Variants in PEX5L observed in about 807,000 individuals in gnomAD.
PEX5L encodes the protein PEX5-related protein.
PEX5L carries 30 observed loss-of-function variants against 84.0 expected under a neutral mutation model. The observed-to-expected ratio is 0.36, with a 90% CI of 0.27 to 0.48. The LOEUF (loss-of-function observed/expected upper bound fraction) is 0.48, where lower values mean the gene tolerates loss of function less well. Ranked by LOEUF, PEX5L falls within the 20% of genes least tolerant of loss-of-function variation. PEX5L has a pLI of 0.99. For missense variants in PEX5L, 533 were observed against 754.6 expected, an observed-to-expected ratio of 0.71 and a Z score of 3.44; for synonymous variants, 270 against 283.1, an observed-to-expected ratio of 0.95 and a Z score of 0.46.
At chr3:179,852,297 C>CA (rs1429027589) in intron 8 of PEX5L, among the ~76,000 whole-genome samples, 2 of 152,092 alleles carry the variant, frequency 1.3e-5, no homozygotes, top group Non-Finnish European at 2.9e-5. Flanking sequence ...CAACAGTCTG[C>CA]ATGATGTGGT....
chr3:180,014,226 C>T (rs1054027081), intron 1 of PEX5L, among the ~76,000 whole-genome samples: 1 of 152,194 alleles, frequency 6.6e-6, no homozygotes, highest in African/African-American at 2.4e-5. Context: ...TGCACATCAC[C>T]TTAATACCAA....
intron 8 of PEX5L, among the ~76,000 whole-genome samples, chr3:179,824,679 C>G (rs935829214): frequency 4.2e-5 from 6 of 141,642 alleles, no homozygotes; most frequent in Non-Finnish European, 4.5e-5. Flanking sequence ...GCACTCTAGC[C>G]TGGGCAATCA....
intron 14 of PEX5L, among the ~76,000 whole-genome samples, chr3:179,806,848 G>C (rs1721491520): frequency 6.6e-6 from 1 of 152,172 alleles, no homozygotes; most frequent in South Asian, 2.1e-4. Context: ...TGGCAGAGCT[G>C]TGATTTTAAC....
At chr3:179,984,348 T>C (rs1263134777) in intron 1 of PEX5L, among the ~76,000 whole-genome samples, 1 of 152,138 alleles carries the variant, frequency 6.6e-6, no homozygotes, top group Non-Finnish European at 1.5e-5. Flanking sequence ...TACATCTCAC[T>C]AAAATTTTTT....
At position 179,887,705 on chromosome 3, in the gene PEX5L, G is replaced by A. The variant is rs150573100; in HGVS notation, c.278C>T (p.Ala93Val). The A allele has an allele frequency of 2.2e-4, 355 of 1,613,348 alleles. No homozygotes were observed. The highest frequency in any genetic ancestry group is 2.8e-4 in the Non-Finnish European group (326 of 1,179,298). Reference protein sequence around the residue: ...DDFLCETKSEAIARPVTSNTA... With the variant: ...DDFLCETKSEVIARPVTSNTA... ...ATTGGATGTTACTGGCCTTGCTATT[G>A]CTTCCGATTTGGTTTCACAGAGAAA... The change falls in exon 4 of 15, where the codon GCA (alanine) becomes GTA (valine). Residue 93 changes from alanine (A) to valine (V), a missense_variant. By Grantham distance (64) the Ala-to-Val change is moderately conservative. Coordinates refer to ENST00000467460, the MANE Select transcript of PEX5L (RefSeq NM_016559.3).
At chr3:180,009,293 T>G (rs75464073) in intron 1 of PEX5L, among the ~76,000 whole-genome samples, 1 of 152,168 alleles carries the variant, frequency 6.6e-6, no homozygotes, top group Admixed American at 6.5e-5. Context: ...TTTCAATATT[T>G]GGTTCTATCT....
intron 1 of PEX5L, among the ~76,000 whole-genome samples, chr3:180,004,606 G>GT (rs750044003): frequency 6.6e-6 from 1 of 152,022 alleles, no homozygotes; most frequent in African/African-American, 2.4e-5. Context: ...GTTTTGTTTT[G>GT]TTTTTTGCCG....
At chr3:179,956,986 T>A (rs1002001489) in intron 2 of PEX5L, among the ~76,000 whole-genome samples, 13 of 152,132 alleles carry the variant, frequency 8.5e-5, no homozygotes, top group African/African-American at 2.9e-4. Flanking sequence ...GGTCACTGCA[T>A]GAGCCAGTGA....
chr3:179,931,931 T>A (rs1392112298), intron 2 of PEX5L, among the ~76,000 whole-genome samples: 3 of 57,844 alleles, frequency 5.2e-5, no homozygotes, highest in Admixed American at 3.5e-4. Flanking sequence ...AACTTCTAAA[T>A]GCATATATGG....
intron 1 of PEX5L, among the ~76,000 whole-genome samples, chr3:179,998,586 C>T (rs996502329): frequency 6.6e-6 from 1 of 152,166 alleles, no homozygotes; most frequent in African/African-American, 2.4e-5. Context: ...TGGTCTGTTA[C>T]TGGGCTTTGG....
At chr3:179,904,648 G>C (rs139943089) in intron 2 of PEX5L, among the ~76,000 whole-genome samples, 15 of 152,248 alleles carry the variant, frequency 9.9e-5, no homozygotes, top group Admixed American at 7.8e-4. Context: ...AATCCAGACT[G>C]TACTTATTAT....
At chr3:179,902,441 C>A (rs1256519999) in intron 2 of PEX5L, among the ~76,000 whole-genome samples, 1 of 152,184 alleles carries the variant, frequency 6.6e-6, no homozygotes, top group African/African-American at 2.4e-5. Flanking sequence ...TGAGAAATAT[C>A]TTCTTTCTCT....
intron 8 of PEX5L, among the ~76,000 whole-genome samples, chr3:179,842,518 T>A (rs939203288): frequency 4.6e-5 from 7 of 152,096 alleles, no homozygotes; most frequent in Non-Finnish European, 1.0e-4. Context: ...CATATTTTAA[T>A]AAATATTTTA....
At chr3:180,023,297 C>CA (rs1292943578) in intron 1 of PEX5L, among the ~76,000 whole-genome samples, 1 of 152,108 alleles carries the variant, frequency 6.6e-6, no homozygotes, top group Non-Finnish European at 1.5e-5. Context: ...CTCACTGTCA[C>CA]AAAAAGTGAC....
At chr3:180,015,451 A>G (rs568754150) in intron 1 of PEX5L, among the ~76,000 whole-genome samples, 66 of 152,324 alleles carry the variant, frequency 4.3e-4, no homozygotes, top group Non-Finnish European at 8.8e-4. Context: ...AACAGAAGAA[A>G]AATGTTTCCT....
At chr3:180,008,748 T>C (rs993624050) in intron 1 of PEX5L, among the ~76,000 whole-genome samples, 1 of 152,142 alleles carries the variant, frequency 6.6e-6, no homozygotes, top group African/African-American at 2.4e-5. Context: ...ATGAGACTTA[T>C]TCACTATCAT....
chr3:179,840,853 C>A (rs1195138651), intron 8 of PEX5L, among the ~76,000 whole-genome samples: 1 of 151,996 alleles, frequency 6.6e-6, no homozygotes, highest in African/African-American at 2.4e-5. Context: ...CAAGAGCTCG[C>A]TTTTAGATAT....
chr3:179,847,097 A>ATATATG (rs1272967662), intron 8 of PEX5L, among the ~76,000 whole-genome samples: 1 of 150,664 alleles, frequency 6.6e-6, no homozygotes, highest in African/African-American at 2.4e-5. Flanking sequence ...ATATATATAT[A>ATATATG]TATGTATATC....
At chr3:179,941,395 A>G (rs917480104) in intron 2 of PEX5L, among the ~76,000 whole-genome samples, 3 of 152,194 alleles carry the variant, frequency 2.0e-5, no homozygotes, top group Admixed American at 2.0e-4. Flanking sequence ...GGAACCATAC[A>G]GTATTTTTCC....
Sources: gnomAD v4.1 joint callset for allele counts (sites outside exome capture counted in the v4.1 genomes callset) on GRCh38, gnomAD v4.1.1 for gene constraint, MANE v1.5 for transcripts, NCBI Gene and HGNC (gene_info 2026-07-23, HGNC 2026-07-21) for gene names.